Variants in GEN1 observed in about 807,000 individuals in gnomAD.
GEN1 encodes the protein flap endonuclease GEN homolog 1.
A neutral mutation model predicts 67.6 loss-of-function variants in GEN1; 64 were observed. The observed-to-expected ratio is 0.95, with a 90% CI of 0.77 to 1.17. The LOEUF is 1.17. Among genes scored for constraint, GEN1 ranks in the 50% most tolerant of loss-of-function variants. GEN1 has a pLI of 0.00. For missense variants in GEN1, 1,058 were observed against 1,048.3 expected (o/e 1.01, Z -0.13); for synonymous variants, 371 against 359.4 (o/e 1.03, Z -0.37).
In GEN1 at chr2:17,771,259, G is replaced by A. The variant is rs936679724; in HGVS notation, c.774G>A (p.Leu258=). 2.5e-6 allele frequency: 4 copies of A among 1,609,502 alleles called. No homozygotes were observed. Among genetic ancestry groups the A allele is most frequent in the East Asian group, 2.2e-5 (1 of 44,822 alleles). ...CACAACTGCTAGTCACTAAAAAACT[G>A]GCTCATTGTTCCGTATGTTCCCATC... The part of the protein sequence containing the change: ...SSPQLLVTKK[L]AHCSVCSHPG... The change falls in exon 7 of 14, where the codon CTG becomes CTA. Residue 258 remains leucine (L), a synonymous_variant. Coordinates refer to ENST00000381254, the MANE Select transcript of GEN1 (RefSeq NM_001130009.3).
rs1673134250 is a variant in GEN1, at chr2:17,788,849, T to A, written c.*6910T>A. ...GGGAGACTACAAGTCCCTTTGCCTTTTAGTTTTCAAGCAATACTGGTTGCA... is the reference window on the plus strand; with the variant it reads ...GGGAGACTACAAGTCCCTTTGCCTTATAGTTTTCAAGCAATACTGGTTGCA... On this transcript the variant is annotated 3_prime_UTR_variant, in exon 14 of 14. Coordinates refer to ENST00000381254, the MANE Select transcript of GEN1 (RefSeq NM_001130009.3). The A allele has an allele frequency of 6.6e-6, 1 of 152,246 alleles. No homozygotes were observed. The highest frequency in any genetic ancestry group is 6.5e-5 in the Admixed American group (1 of 15,290). 9.4% of individuals were successfully genotyped at this position (152,246 alleles called of 1,614,324 possible).
At position 17,784,489 on chromosome 2, in the gene GEN1, A is replaced by G. The variant is rs1447738699; in HGVS notation, c.*2550A>G. ...ATACCCAAGATAAATGAAAACTTAT[A>G]TCCACATAAAAACCTGTGCACAAAT... On this transcript the variant is annotated 3_prime_UTR_variant, in exon 14 of 14. Coordinates refer to ENST00000381254, the MANE Select transcript of GEN1 (RefSeq NM_001130009.3). 1 of 152,226 alleles carries G rather than the reference A, an allele frequency of 6.6e-6. No homozygotes were observed. Among genetic ancestry groups the G allele is most frequent in the East Asian group, 1.9e-4 (1 of 5,198 alleles). The allele number at this position is 152,226 out of a possible 1,614,324, so 9.4% of individuals were successfully genotyped here. A position where few individuals can be genotyped will look rare whatever the true frequency, so the allele number is the denominator to read the frequency against.
At position 17,783,441 on chromosome 2, in the gene GEN1, C is replaced by T. The variant is rs1451905452; in HGVS notation, c.*1502C>T. 6.6e-6 allele frequency: 1 copy of T among 152,150 alleles called. No individual in the cohort carries two copies. The highest frequency in any genetic ancestry group is 2.4e-5 in the African/African-American group (1 of 41,416). 9.4% of individuals were successfully genotyped at this position (152,150 alleles called of 1,614,324 possible). Reference sequence around the variant, plus strand: ...CAGAAGACATAAGATGACCATACTCCCCAAACTGATCTACAGGTTAAATGT... The same window carrying T: ...CAGAAGACATAAGATGACCATACTCTCCAAACTGATCTACAGGTTAAATGT... On this transcript the variant is annotated 3_prime_UTR_variant, in exon 14 of 14. Transcript: ENST00000381254.
intron 3 of GEN1, among the ~76,000 whole-genome samples, chr2:17,762,504 G>T (rs1226056936): frequency 2.0e-5 from 3 of 152,042 alleles, no homozygotes; most frequent in Non-Finnish European, 2.9e-5. Flanking sequence ...CCTGTGCCTG[G>T]CCTTTTTTGT....
chr2:17,761,465 A>G lies in GEN1; in HGVS notation c.231A>G (p.Glu77=). 6.2e-7 allele frequency: 1 copy of G among 1,612,988 alleles called. No homozygotes were observed. The highest frequency in any genetic ancestry group is 1.3e-5 in the African/African-American group (1 of 75,036). Residue 77 remains glutamate (E), a synonymous_variant, in exon 3 of 14, where the codon GAA becomes GAG. Transcript: ENST00000381254. ...AACTGGTATTTGTTATGGAAGGGGA[A>G]CCACCAAAGCTGAAAGCTGATGTCA... ...DVKLVFVMEG[E]PPKLKADVIS... is the part of the protein sequence containing the mutation.
intron 7 of GEN1, among the ~76,000 whole-genome samples, chr2:17,771,751 T>C (rs1672200681): frequency 1.3e-5 from 2 of 151,044 alleles, no homozygotes; most frequent in Non-Finnish European, 3.0e-5. Flanking sequence ...TTCACTATTC[T>C]TGAAAATAGC....
At position 17,765,989 on chromosome 2, in the gene GEN1, G is replaced by A. The variant is rs186351612; in HGVS notation, c.526-590G>A. 2.6e-3 allele frequency among the ~76,000 whole-genome samples: 393 copies of A among 151,510 alleles called. 3 individuals are homozygous for A. Among genetic ancestry groups the A allele is most frequent in the African/African-American group, 9.0e-3 (374 of 41,368 alleles). ...TATGTTACAGTGTTTTATTTTGTAAGATGGAAATCTACATTTTTTAGACAC... is the reference window on the plus strand; with the variant it reads ...TATGTTACAGTGTTTTATTTTGTAAAATGGAAATCTACATTTTTTAGACAC... On this transcript the variant is annotated intron_variant, in intron 4 of 13. Coordinates refer to ENST00000381254, the MANE Select transcript of GEN1 (RefSeq NM_001130009.3).
rs1335169552 is a variant in GEN1, at chr2:17,783,030, A to G, written c.*1091A>G. The G allele has an allele frequency of 1.3e-5, 2 of 152,184 alleles. No homozygotes were observed. The highest frequency in any genetic ancestry group is 2.9e-5 in the Non-Finnish European group (2 of 68,048). 9.4% of individuals were successfully genotyped at this position (152,184 alleles called of 1,614,324 possible). A position where few individuals can be genotyped will look rare whatever the true frequency, so the allele number is the denominator to read the frequency against. On this transcript the variant is annotated 3_prime_UTR_variant, in exon 14 of 14. Transcript: ENST00000381254. ...CATCCAGGTCGTAGAATACAAGACC[A>G]ATGTGCAATGATCATTGCATTTTGT...
intron 3 of GEN1, 136 bp downstream of exon 3, chr2:17,761,718 T>G (rs1671689552): frequency 1.6e-6 from 1 of 642,284 alleles, no homozygotes; most frequent in Non-Finnish European, 2.5e-6. Flanking sequence ...GAGTTTATTT[T>G]TTAGAGTGAA....
chr2:17,769,288 G>T (rs1672076745), intron 6 of GEN1, among the ~76,000 whole-genome samples: 1 of 150,854 alleles, frequency 6.6e-6, no homozygotes, highest in South Asian at 2.1e-4. Context: ...ATGTTGCCCA[G>T]GTTGGTCTTG....
chr2:17,764,842 A>G (rs1214165452), intron 3 of GEN1, 55 bp from the exon 4 acceptor site: 7 of 1,492,884 alleles, frequency 4.7e-6, no homozygotes, highest in South Asian at 1.2e-5. Context: ...TTAATAGTAA[A>G]TAAATGAGCA....
chr2:17,760,111 T>C lies in GEN1; in HGVS notation c.161+7T>C. The C allele has an allele frequency of 6.2e-7, 1 of 1,613,378 alleles. No homozygotes were observed. The highest frequency in any genetic ancestry group is 8.5e-7 in the Non-Finnish European group (1 of 1,179,570). On this transcript the variant is annotated splice_region_variant and intron_variant, in intron 2 of 13. Transcript: ENST00000381254. ...TCATGAAGCCCCACCTCAGGTATAGTAAAAGCTCTTACAGTATAAATGTAT... is the reference window on the plus strand; with the variant it reads ...TCATGAAGCCCCACCTCAGGTATAGCAAAAGCTCTTACAGTATAAATGTAT...
upstream of GEN1, chr2:17,754,010 C>T (rs981955849): frequency 5.9e-5 from 9 of 152,450 alleles, no homozygotes; most frequent in African/African-American, 1.4e-4. Flanking sequence ...AATTGAGCGC[C>T]CCCGGCAGCT....
intron 11 of GEN1, 34 bp from the exon 12 acceptor site, chr2:17,777,968 C>A: frequency 2.5e-6 from 3 of 1,179,958 alleles, no homozygotes; most frequent in Non-Finnish European, 3.8e-6. Context: ...ATATCTTATG[C>A]AATTAGACTT....
intron 11 of GEN1, 139 bp downstream of exon 11, chr2:17,774,540 TATAATC>T (rs1405544420): frequency 5.8e-5 from 31 of 530,060 alleles, no homozygotes; most frequent in Non-Finnish European, 9.4e-5. Context: ...ATTCAGGGCT[TATAATC>T]AGAACAACAT....
At chr2:17,764,740 G>A (rs933538745) in intron 3 of GEN1, among the ~76,000 whole-genome samples, 157 bp from the exon 4 acceptor site, 1 of 152,114 alleles carries the variant, frequency 6.6e-6, no homozygotes, top group Non-Finnish European at 1.5e-5. Flanking sequence ...CAAATATTCA[G>A]TCATTGTTCA....
chr2:17,781,676 C>G lies in GEN1; in HGVS notation c.2464C>G (p.His822Asp), dbSNP rs1672845812. 6.2e-7 allele frequency: 1 copy of G among 1,613,832 alleles called. No homozygotes were observed. Among genetic ancestry groups the G allele is most frequent in the Non-Finnish European group, 8.5e-7 (1 of 1,179,918 alleles). ...TAAGTACACAACTCAAAGAATGAAG[C>G]ACAGTTCTCAAAAGCATAATTCATC... ...KAKYTTQRMK[H>D]SSQKHNSSHF... is the part of the protein sequence containing the mutation. Residue 822 changes from histidine (H) to aspartate (D), a missense_variant, in exon 14 of 14, where the codon CAC becomes GAC. His to Asp is a moderately conservative substitution (Grantham distance 81). Transcript: ENST00000381254.
chr2:17,780,897 CT>C lies in GEN1; in HGVS notation c.1686del (p.Leu563Ter). ...CAGCAAATTAAAGCTGTCAGTAAGTCTCTAATTTCAGAATCTAGTCAACCCA... is the reference window on the plus strand; with the variant it reads ...CAGCAAATTAAAGCTGTCAGTAAGTCCTAATTTCAGAATCTAGTCAACCCA... ...AIQQIKAVSK[S>X]LISESSQPNT... On this transcript the variant is annotated frameshift_variant, in exon 14 of 14. Coordinates refer to ENST00000381254, the MANE Select transcript of GEN1 (RefSeq NM_001130009.3). LOFTEE classifies it low-confidence loss of function (END_TRUNC). 6.2e-7 allele frequency: 1 copy of C among 1,613,900 alleles called. No homozygotes were observed. Among genetic ancestry groups the C allele is most frequent in the Non-Finnish European group, 8.5e-7 (1 of 1,179,924 alleles).
rs1309351284 is a variant in GEN1, at chr2:17,761,554, G to T, written c.320G>T (p.Arg107Ile). The T allele has an allele frequency of 6.8e-6, 11 of 1,610,214 alleles. No individual in the cohort carries two copies. Among genetic ancestry groups the T allele is most frequent in the Non-Finnish European group, 9.3e-6 (11 of 1,178,934 alleles). The change falls in exon 3 of 14, where the codon AGA becomes ATA. Residue 107 changes from arginine to isoleucine, a missense_variant. Arg to Ile is a moderately conservative substitution (Grantham distance 97, BLOSUM62 -3). Transcript: ENST00000381254. ...SGKSWSQKTG[R>I]SHFKSVLREC... ...AAATCGTGGTCTCAGAAAACAGGGAGATCACATTTTAAATCAGTCTTAAGA... is the reference window on the plus strand; with the variant it reads ...AAATCGTGGTCTCAGAAAACAGGGATATCACATTTTAAATCAGTCTTAAGA...
Sources: gnomAD v4.1 joint callset for allele counts (sites outside exome capture counted in the v4.1 genomes callset) on GRCh38, gnomAD v4.1.1 for gene constraint, MANE v1.5 for transcripts, NCBI Gene and HGNC (gene_info 2026-07-23, HGNC 2026-07-21) for gene names.